Variants in WNT2B observed in about 807,000 individuals in gnomAD.
WNT2B encodes Wnt family member 2B, also known as protein Wnt-2b.
A neutral mutation model predicts 40.5 loss-of-function variants in WNT2B; 19 were observed. The observed-to-expected ratio is 0.47, with a 90% CI of 0.33 to 0.69. The LOEUF (loss-of-function observed/expected upper bound fraction) is 0.69. Among genes scored for constraint, WNT2B ranks in the 30% least tolerant of loss-of-function variants. The pLI is 0.02. For synonymous variants in WNT2B, 220 were observed against 211.9 expected, an observed-to-expected ratio of 1.04 and a Z score of -0.33; for missense variants, 467 against 556.4, an observed-to-expected ratio of 0.84 and a Z score of 1.62.
chr1:112,504,265 G>A (rs767217034), upstream of WNT2B, among the ~76,000 whole-genome samples: 1 of 149,796 alleles, frequency 6.7e-6, no homozygotes, highest in East Asian at 2.0e-4. Context: ...TGCCCCCATC[G>A]TCTCACCTCC....
intron 1 of WNT2B, among the ~76,000 whole-genome samples, chr1:112,484,173 C>A (rs1415336393): frequency 1.4e-5 from 2 of 142,788 alleles, no homozygotes; most frequent in African/African-American, 2.6e-5. Flanking sequence ...TTATATATAT[C>A]ATTTTTATAT....
At chr1:112,469,589 T>C (rs932572181) in intron 1 of WNT2B, among the ~76,000 whole-genome samples, 1 of 152,088 alleles carries the variant, frequency 6.6e-6, no homozygotes, top group Non-Finnish European at 1.5e-5. Flanking sequence ...GTTGTTTGTT[T>C]GTTTGTTTTT....
exon 1 of WNT2B, chr1:112,467,274 A>G (rs1022044360): frequency 1.2e-5 from 6 of 486,802 alleles, no homozygotes; most frequent in African/African-American, 9.9e-5. Context: ...AGGAAAGGGC[A>G]TGGTCTGCCC....
intron 1 of WNT2B, among the ~76,000 whole-genome samples, chr1:112,502,367 G>A (rs1016622087): frequency 6.6e-6 from 1 of 152,228 alleles, no homozygotes; most frequent in South Asian, 2.1e-4. Context: ...GGAGGGCTGC[G>A]CCGGGCAGAT....
In WNT2B at chr1:112,497,156, T is replaced by C. The variant is rs114132599; in HGVS notation, c.-94-17718T>C. ...GGGTTGGAATAGGGTACCTGTGGCT[T>C]TCCCAAGGCTGGCATTGCAAGTCCA... On this transcript the variant is annotated intron_variant, in intron 1 of 4. Transcript: ENST00000256640. Among the ~76,000 whole-genome samples, 556 of 152,238 alleles carry C rather than the reference T, an allele frequency of 3.7e-3. 3 individuals are homozygous for C. The highest frequency in any genetic ancestry group is 0.013 in the African/African-American group (524 of 41,564).
rs944549377 is a variant in WNT2B at position 112,523,680 on chromosome 1, C to T, written c.*3171C>T. ...TTAGCCCCTCTCCTCTCTTCCATTCCTTCCTGTTGGTACTCATTTCTTCTA... is the reference window on the plus strand; with the variant it reads ...TTAGCCCCTCTCCTCTCTTCCATTCTTTCCTGTTGGTACTCATTTCTTCTA... On this transcript the variant is annotated 3_prime_UTR_variant, in exon 5 of 5. Coordinates refer to ENST00000369684, the MANE Select transcript of WNT2B (RefSeq NM_024494.3). The T allele has an allele frequency of 5.3e-5, 8 of 152,152 alleles. No individual in the cohort carries two copies. Among genetic ancestry groups the T allele is most frequent in the Non-Finnish European group, 1.0e-4 (7 of 68,042 alleles). The allele number at this position is 152,152 out of a possible 1,614,324, so 9.4% of individuals were successfully genotyped here.
At chr1:112,493,339 G>T (rs1291131219) in intron 1 of WNT2B, among the ~76,000 whole-genome samples, 1 of 152,170 alleles carries the variant, frequency 6.6e-6, no homozygotes, top group African/African-American at 2.4e-5. Flanking sequence ...AAACTGAAAA[G>T]CAGCTAGACA....
chr1:112,512,575 G>A (rs1244387779), intron 1 of WNT2B, among the ~76,000 whole-genome samples: 1 of 152,236 alleles, frequency 6.6e-6, no homozygotes, highest in African/African-American at 2.4e-5. Flanking sequence ...GAAGCATTCT[G>A]GGGCAGGAAG....
At chr1:112,486,680 A>G (rs1651428689) in intron 1 of WNT2B, among the ~76,000 whole-genome samples, 1 of 152,108 alleles carries the variant, frequency 6.6e-6, no homozygotes, top group Admixed American at 6.6e-5. Flanking sequence ...CCCAATAAAA[A>G]TAGGGGAAAT....
chr1:112,467,539 T>C (rs1414488409), exon 1 of WNT2B: 1 of 780,878 alleles, frequency 1.3e-6, no homozygotes, highest in South Asian at 1.3e-5. Flanking sequence ...CTTTCCCACA[T>C]GTTGGATGGC....
chr1:112,518,651 A>T (rs949595095), intron 4 of WNT2B, among the ~76,000 whole-genome samples: 7 of 152,204 alleles, frequency 4.6e-5, no homozygotes, highest in African/African-American at 7.2e-5. Context: ...TCTGAGGTGT[A>T]AACCTATACT....
At chr1:112,487,602 A>G (rs531948186) in intron 1 of WNT2B, among the ~76,000 whole-genome samples, 26 of 152,316 alleles carry the variant, frequency 1.7e-4, no homozygotes, top group African/African-American at 5.8e-4. Context: ...GAAAAACAGT[A>G]TAAGTATTGA....
intron 1 of WNT2B, among the ~76,000 whole-genome samples, chr1:112,486,516 C>T (rs1382733541): frequency 6.6e-6 from 1 of 152,038 alleles, no homozygotes; most frequent in Non-Finnish European, 1.5e-5. Flanking sequence ...TGGACTTTAT[C>T]AAAATTTAAA....
intron 1 of WNT2B, among the ~76,000 whole-genome samples, chr1:112,489,060 G>A (rs1557911598): frequency 6.6e-6 from 1 of 152,104 alleles, no homozygotes; most frequent in Admixed American, 6.6e-5. Flanking sequence ...TAAAGGTCAG[G>A]TATGAAGATG....
intron 1 of WNT2B, among the ~76,000 whole-genome samples, chr1:112,510,203 G>A (rs1445033275): frequency 6.6e-6 from 1 of 151,862 alleles, no homozygotes; most frequent in Non-Finnish European, 1.5e-5. Flanking sequence ...GAGGGCAGAT[G>A]AGGCAAAAAG....
At position 112,520,466 on chromosome 1, in the gene WNT2B, C is replaced by A. The variant is rs372190907; in HGVS notation, c.1133C>A (p.Thr378Asn). 4.3e-6 allele frequency: 7 copies of A among 1,614,082 alleles called. No individual in the cohort carries two copies. The highest frequency in any genetic ancestry group is 1.6e-4 in the Middle Eastern group (1 of 6,084). Residue 378 changes from threonine (T) to asparagine (N), a missense_variant, in exon 5 of 5, where the codon ACT becomes AAT. Thr to Asn is a moderately conservative substitution (Grantham distance 65, BLOSUM62 0). Around this residue, in one of 2 missense-constraint regions of WNT2B, gnomAD observed 330 missense variants for 438.6 expected, o/e 0.75. Coordinates refer to ENST00000369684, the MANE Select transcript of WNT2B (RefSeq NM_024494.3). ...TGCAGAAATACTGTGGACGTCCATA[C>A]TTGCAAAGCCCCCAAGAAGGCAGAG... ...KECRNTVDVH[T>N]CKAPKKAEWL...
Position 112,528,325 on chromosome 1 carries a change from T to C in WNT2B, c.*7816T>C, listed in dbSNP as rs1395515670. On this transcript the variant is annotated 3_prime_UTR_variant, in exon 5 of 5. Coordinates refer to ENST00000369684, the MANE Select transcript of WNT2B (RefSeq NM_024494.3). The stretch of plus-strand genomic sequence containing the variant: ...ATATACACTGGGGAATACAGAGAAA[T>C]TAGAATGCTGAGATCAGGGCTTAAA... The C allele has an allele frequency of 5.9e-5, 9 of 152,110 alleles. No homozygotes were observed. Among genetic ancestry groups the C allele is most frequent in the Admixed American group, 5.9e-4 (9 of 15,272 alleles). The allele number at this position is 152,110 out of a possible 1,614,324, so 9.4% of individuals were successfully genotyped here.
At chr1:112,480,031 C>T (rs1008726654) in intron 1 of WNT2B, among the ~76,000 whole-genome samples, 2 of 150,824 alleles carry the variant, frequency 1.3e-5, no homozygotes, top group Non-Finnish European at 3.0e-5. Flanking sequence ...TTGTTATCAA[C>T]TAAAAATAAG....
intron 1 of WNT2B, among the ~76,000 whole-genome samples, chr1:112,468,038 C>CAT (rs1434326715): frequency 6.6e-6 from 1 of 152,190 alleles, no homozygotes; most frequent in Non-Finnish European, 1.5e-5. Context: ...TTAGCTCCCA[C>CAT]ATATGAGTAA....
Sources: gnomAD v4.1 joint callset for allele counts (sites outside exome capture counted in the v4.1 genomes callset) on GRCh38, gnomAD v4.1.1 for gene constraint, gnomAD v4.1.1 regional missense constraint, MANE v1.5 for transcripts, NCBI Gene and HGNC (gene_info 2026-07-23, HGNC 2026-07-21) for gene names.